The following MYO18B variants were observed in gnomAD, a reference collection of about 807,000 sequenced individuals.
The protein encoded by MYO18B is unconventional myosin-XVIIIb.
Under a neutral mutation model 273.0 loss-of-function variants are expected in MYO18B, and 204 were observed. The observed-to-expected ratio is 0.75, with a 90% CI of 0.67 to 0.84. The LOEUF (loss-of-function observed/expected upper bound fraction) is 0.84, where lower values mean the gene tolerates loss of function less well. Among genes scored for constraint, MYO18B ranks in the 40% least tolerant of loss-of-function variants. The pLI is 0.00. For synonymous variants in MYO18B, 1,330 were observed against 1,305.7 expected (o/e 1.02, Z -0.40); for missense variants, 3,212 against 3,287.6 (o/e 0.98, Z 0.56).
intron 42 of MYO18B, 151 bp from the exon 43 acceptor site, chr22:26,026,294 T>G: frequency 1.1e-6 from 1 of 948,482 alleles, no homozygotes; most frequent in South Asian, 1.8e-5. Flanking sequence ...AATTTGCACA[T>G]TAAATCATAT....
At chr22:25,980,996 C>T (rs2093143024) in intron 39 of MYO18B, among the ~76,000 whole-genome samples, 1 of 152,230 alleles carries the variant, frequency 6.6e-6, no homozygotes, top group African/African-American at 2.4e-5. Context: ...CTTCTAGATA[C>T]ATCACTCTAA....
At chr22:25,891,475 C>A in intron 27 of MYO18B, 63 bp downstream of exon 27, 2 of 1,150,416 alleles carry the variant, frequency 1.7e-6, no homozygotes, top group South Asian at 1.3e-5. Flanking sequence ...CCCATTTATT[C>A]AGTCACTCAT....
chr22:25,812,980 T>C (rs2088828990), intron 12 of MYO18B, among the ~76,000 whole-genome samples: 1 of 151,958 alleles, frequency 6.6e-6, no homozygotes, highest in Non-Finnish European at 1.5e-5. Context: ...CTCTTCCTTC[T>C]CTCCTTTCCT....
chr22:25,971,903 G>A (rs962699330), intron 39 of MYO18B, among the ~76,000 whole-genome samples: 10 of 151,902 alleles, frequency 6.6e-5, no homozygotes, highest in African/African-American at 1.9e-4. Flanking sequence ...TCAGACTTAT[G>A]TGTGCTGATA....
chr22:26,031,996 C>A (rs942422299), downstream of MYO18B, among the ~76,000 whole-genome samples: 2 of 152,198 alleles, frequency 1.3e-5, no homozygotes, highest in Non-Finnish European at 2.9e-5. Flanking sequence ...GAGGAGGCAC[C>A]ACCCAAAAGC....
At chr22:25,858,397 C>T (rs1404256267) in intron 21 of MYO18B, among the ~76,000 whole-genome samples, 1 of 152,198 alleles carries the variant, frequency 6.6e-6, no homozygotes, top group African/African-American at 2.4e-5. Flanking sequence ...CCAAATGGTT[C>T]ACAGGATGAG....
chr22:25,929,892 G>T (rs2092473249), intron 34 of MYO18B, among the ~76,000 whole-genome samples: 1 of 152,050 alleles, frequency 6.6e-6, no homozygotes. Context: ...AAATTTAAAC[G>T]CAAAGTCGGT....
intron 12 of MYO18B, among the ~76,000 whole-genome samples, chr22:25,808,024 C>T (rs2088562426): frequency 6.6e-6 from 1 of 152,122 alleles, no homozygotes; most frequent in Admixed American, 6.5e-5. Context: ...ATAGCCAATG[C>T]ATCCCGGTCC....
intron 1 of MYO18B, among the ~76,000 whole-genome samples, chr22:25,749,362 G>A (rs2085871885): frequency 6.6e-6 from 1 of 152,208 alleles, no homozygotes; most frequent in African/African-American, 2.4e-5. Flanking sequence ...GGAGAGGAGG[G>A]GTGATTTAGG....
chr22:26,006,996 T>C (rs545631845), intron 42 of MYO18B, among the ~76,000 whole-genome samples: 1 of 152,182 alleles, frequency 6.6e-6, no homozygotes, highest in Non-Finnish European at 1.5e-5. Context: ...TCAGGCAAGG[T>C]GGGTCTTCAG....
intron 40 of MYO18B, among the ~76,000 whole-genome samples, chr22:25,993,766 A>G (rs1002402337): frequency 6.6e-5 from 10 of 152,216 alleles, no homozygotes; most frequent in Non-Finnish European, 1.2e-4. Flanking sequence ...GAGGGTTACA[A>G]ATCAGCTCTG....
chr22:25,919,666 TTG>T (rs977900012), intron 33 of MYO18B, among the ~76,000 whole-genome samples: 17 of 138,366 alleles, frequency 1.2e-4, no homozygotes, highest in African/African-American at 3.4e-4. Flanking sequence ...GCAGGTGAGA[TTG>T]TGTGTGTGTA....
intron 42 of MYO18B, among the ~76,000 whole-genome samples, chr22:26,022,391 T>G (rs1405585438): frequency 1.3e-5 from 2 of 152,020 alleles, no homozygotes; most frequent in South Asian, 2.1e-4. Context: ...GAACTTGGGA[T>G]CCTTATCCCA....
intron 22 of MYO18B, among the ~76,000 whole-genome samples, chr22:25,870,965 C>T (rs2091030710): frequency 1.3e-5 from 2 of 152,126 alleles, no homozygotes; most frequent in South Asian, 4.2e-4. Flanking sequence ...AGTCTGTACA[C>T]CTAAACATTC....
rs59165419 is a variant in MYO18B, at chr22:25,760,434, A to AAAAAAAC, written c.-109-550_-109-549insAAAAAAC. ...CTCAAAAAAAAAAAAAAAAAAAAAA[A>AAAAAAAC]CACAAAAACAAATAATAGTGGTTTC... is the stretch of plus-strand genomic sequence containing the variant. On this transcript the variant is annotated intron_variant, in intron 1 of 43. Coordinates refer to ENST00000335473, the MANE Select transcript of MYO18B (RefSeq NM_032608.7). Among the ~76,000 whole-genome samples the AAAAAAAC allele has an allele frequency of 4.3e-3, 484 of 111,380 alleles. 26 individuals carry two copies. Among genetic ancestry groups the AAAAAAAC allele is most frequent in the East Asian group, 0.018 (55 of 3,038 alleles). The allele number at this position is 111,380 out of a possible 152,430, so 73.1% of individuals were successfully genotyped here.
chr22:25,909,663 T>G (rs1384273153), intron 32 of MYO18B, among the ~76,000 whole-genome samples: 1 of 152,232 alleles, frequency 6.6e-6, no homozygotes, highest in Non-Finnish European at 1.5e-5. Context: ...CAGACTCTCC[T>G]GAGGCTTTTC....
At chr22:25,984,443 A>G (rs915006572) in intron 39 of MYO18B, among the ~76,000 whole-genome samples, 4 of 152,132 alleles carry the variant, frequency 2.6e-5, no homozygotes, top group African/African-American at 9.7e-5. Context: ...ACTAATATAA[A>G]TATCTTCTTT....
In MYO18B at chr22:26,026,847, G is replaced by A. The variant is rs567327846; in HGVS notation, c.6873G>A (p.Arg2291=). ...YQTTGASTLR[R]GRAGSDEGNL... ...CGACTGGGGCCTCCACACTAAGGAG[G>A]GGCAGGGCTGGCAGTGACGAGGGAA... The change falls in exon 43 of 44, where the codon AGG becomes AGA. Residue 2291 remains arginine (R), a synonymous_variant. Coordinates refer to ENST00000335473, the MANE Select transcript of MYO18B (RefSeq NM_032608.7). 3 of 1,594,200 alleles carry A rather than the reference G, an allele frequency of 1.9e-6. No homozygotes were observed. In the East Asian group the frequency reaches 6.7e-5, roughly 36 times the overall value.
chr22:26,042,902 T>C, the MYO18B span, among the ~76,000 whole-genome samples: 1 of 152,224 alleles, frequency 6.6e-6, no homozygotes, highest in African/African-American at 2.4e-5. Flanking sequence ...ACAATGACCA[T>C]AGCTCATGTT....
Sources: allele counts gnomAD v4.1 joint callset (sites outside exome capture counted in the v4.1 genomes callset), GRCh38; gene constraint gnomAD v4.1.1; transcripts MANE v1.5; gene names NCBI Gene and HGNC (gene_info 2026-07-23, HGNC 2026-07-21).